The following RGL1 variants were observed in gnomAD, a reference collection of about 807,000 sequenced individuals.
The protein encoded by RGL1 is ral guanine nucleotide dissociation stimulator-like 1.
In RGL1, 24 loss-of-function variants were observed where a neutral mutation model predicts 95.2. The ratio of observed to expected loss-of-function variants is 0.25; its 90% CI spans 0.18 to 0.35. The LOEUF (loss-of-function observed/expected upper bound fraction) is 0.35, where lower values mean the gene tolerates loss of function less well. Among genes scored for constraint, RGL1 ranks in the 10% least tolerant of loss-of-function variants. The probability of loss-of-function intolerance (pLI) is 1.00; values close to 1 mark genes in which losing one functional copy is unlikely to be tolerated. For synonymous variants in RGL1, 329 were observed against 344.9 expected, an observed-to-expected ratio of 0.95 and a Z score of 0.51; for missense variants, 715 against 936.3, an observed-to-expected ratio of 0.76 and a Z score of 3.08.
intron 2 of RGL1, among the ~76,000 whole-genome samples, chr1:183,761,773 C>A (rs1658677985): frequency 6.6e-6 from 1 of 152,214 alleles, no homozygotes; most frequent in Non-Finnish European, 1.5e-5. Context: ...CATTGAAAAT[C>A]TGTTGTTTAG....
At chr1:183,755,426 T>C (rs10797905) in intron 2 of RGL1, among the ~76,000 whole-genome samples, 105,432 of 151,918 alleles carry the variant, frequency 0.69, 36,955 homozygotes, top group East Asian at 0.91. Flanking sequence ...AAAATTTAAA[T>C]GATAAATAAT....
chr1:183,668,154 C>T (rs1305898826), intron 1 of RGL1, among the ~76,000 whole-genome samples: 3 of 152,134 alleles, frequency 2.0e-5, no homozygotes, highest in African/African-American at 7.2e-5. Context: ...CTCTTCCTTT[C>T]TTTATATAAA....
At chr1:183,676,537 G>A (rs933102564) in intron 1 of RGL1, among the ~76,000 whole-genome samples, 12 of 151,704 alleles carry the variant, frequency 7.9e-5, no homozygotes, top group African/African-American at 2.7e-4. Context: ...TGAAAAATTG[G>A]GACCTGGAAT....
intron 16 of RGL1, among the ~76,000 whole-genome samples, chr1:183,917,234 A>G (rs1419079638): frequency 1.3e-5 from 2 of 152,250 alleles, no homozygotes; most frequent in Non-Finnish European, 2.9e-5. Flanking sequence ...ATGAGGAACG[A>G]TGCCTATAAA....
chr1:183,777,708 C>T (rs1659671313), intron 2 of RGL1, among the ~76,000 whole-genome samples: 1 of 152,170 alleles, frequency 6.6e-6, no homozygotes, highest in African/African-American at 2.4e-5. Flanking sequence ...GCTCTATGGA[C>T]TTGGTTTTTA....
At chr1:183,875,526 ATCTGTCTAATGTCT>A (rs1311204115) in intron 4 of RGL1, among the ~76,000 whole-genome samples, 2 of 152,124 alleles carry the variant, frequency 1.3e-5, no homozygotes, top group East Asian at 3.9e-4. Flanking sequence ...GCCAAGGTGC[ATCTGTCTAATGTCT>A]TCTAAGCAGG....
chr1:183,799,236 A>G (rs1478801434), intron 2 of RGL1, among the ~76,000 whole-genome samples: 1 of 152,162 alleles, frequency 6.6e-6, no homozygotes, highest in Non-Finnish European at 1.5e-5. Flanking sequence ...TTGTATCTGC[A>G]ATATTTTGAC....
At chr1:183,842,812 A>G (rs1362746082) in intron 2 of RGL1, among the ~76,000 whole-genome samples, 3 of 152,230 alleles carry the variant, frequency 2.0e-5, no homozygotes, top group Non-Finnish European at 4.4e-5. Context: ...CAACTTAATA[A>G]TTCAAAGTTA....
intron 14 of RGL1, 22 bp downstream of exon 14, chr1:183,907,123 T>G: frequency 6.8e-7 from 1 of 1,473,646 alleles, no homozygotes; most frequent in Non-Finnish European, 9.5e-7. Flanking sequence ...CTGGGGGTTC[T>G]GGGGCTCCAA....
At chr1:183,815,020 C>A (rs1473395206) in intron 2 of RGL1, among the ~76,000 whole-genome samples, 24 of 152,054 alleles carry the variant, frequency 1.6e-4, no homozygotes, top group Admixed American at 1.5e-3. Flanking sequence ...GCCTGTAATC[C>A]CAGTACTTTG....
intron 2 of RGL1, among the ~76,000 whole-genome samples, chr1:183,834,972 C>A (rs138038763): frequency 1.5e-3 from 235 of 152,250 alleles, no homozygotes; most frequent in Non-Finnish European, 2.7e-3. Flanking sequence ...CATCAGCCAC[C>A]ATGCCTGGCC....
intron 1 of RGL1, among the ~76,000 whole-genome samples, chr1:183,682,177 G>T (rs1342971449): frequency 6.6e-6 from 1 of 152,032 alleles, no homozygotes; most frequent in Non-Finnish European, 1.5e-5. Context: ...CTTGAGTTCT[G>T]CTCTGGTCTT....
At chr1:183,921,540 C>T (rs1237692353) in intron 16 of RGL1, among the ~76,000 whole-genome samples, 3 of 152,206 alleles carry the variant, frequency 2.0e-5, no homozygotes, top group Admixed American at 1.3e-4. Context: ...GATTCACCTG[C>T]ATTGTTGCAT....
chr1:183,705,912 G>T (rs1162109441), intron 1 of RGL1, among the ~76,000 whole-genome samples: 1 of 152,146 alleles, frequency 6.6e-6, no homozygotes, highest in Non-Finnish European at 1.5e-5. Flanking sequence ...TGGGGGATGG[G>T]ATACTGCTTC....
intron 2 of RGL1, among the ~76,000 whole-genome samples, chr1:183,785,762 C>T (rs1660125175): frequency 6.6e-6 from 1 of 152,172 alleles, no homozygotes; most frequent in Admixed American, 6.5e-5. Flanking sequence ...GTAAATTGAC[C>T]TCTAATTACT....
intron 16 of RGL1, 50 bp downstream of exon 16, chr1:183,916,751 T>C: frequency 6.3e-7 from 1 of 1,583,352 alleles, no homozygotes; most frequent in Non-Finnish European, 8.6e-7. Flanking sequence ...AGATTGTGTG[T>C]CTGTGTCTGT....
chr1:183,675,533 A>T (rs1171696278), intron 1 of RGL1, among the ~76,000 whole-genome samples: 1 of 152,208 alleles, frequency 6.6e-6, no homozygotes, highest in Non-Finnish European at 1.5e-5. Context: ...AGATTTGGAA[A>T]GAACCCAAGG....
At chr1:183,637,921 A>T (rs1248786756) in intron 1 of RGL1, among the ~76,000 whole-genome samples, 2 of 152,102 alleles carry the variant, frequency 1.3e-5, no homozygotes, top group Non-Finnish European at 2.9e-5. Flanking sequence ...TTTCAGTTTC[A>T]GTCTTTGCTA....
chr1:183,645,017 C>G (rs1455976750), intron 1 of RGL1, among the ~76,000 whole-genome samples: 1 of 152,090 alleles, frequency 6.6e-6, no homozygotes, highest in Non-Finnish European at 1.5e-5. Context: ...TTGTGCATAC[C>G]CCATCCACCA....
Sources: allele counts gnomAD v4.1 joint callset (sites outside exome capture counted in the v4.1 genomes callset), GRCh38; gene constraint gnomAD v4.1.1; transcripts MANE v1.5; gene names NCBI Gene and HGNC (gene_info 2026-07-23, HGNC 2026-07-21).